The following UMPS variants were observed in gnomAD, a reference collection of about 807,000 sequenced individuals.
UMPS encodes uridine monophosphate synthetase.
UMPS carries 21 observed loss-of-function variants against 38.9 expected under a neutral mutation model. The ratio of observed to expected loss-of-function variants is 0.54; its 90% CI spans 0.38 to 0.78. The LOEUF is 0.78. Ranked by LOEUF, UMPS falls within the 30% of genes least tolerant of loss-of-function variation. UMPS has a pLI of 0.00. For synonymous variants in UMPS, 208 were observed against 219.3 expected, an observed-to-expected ratio of 0.95 and a Z score of 0.45; for missense variants, 533 against 591.6, an observed-to-expected ratio of 0.90 and a Z score of 1.03.
intron 1 of UMPS, among the ~76,000 whole-genome samples, chr3:124,734,472 C>T (rs568155638): frequency 2.6e-5 from 4 of 152,270 alleles, no homozygotes; most frequent in South Asian, 4.2e-4. Context: ...ACCAGGAAGT[C>T]GGGATCGTCC....
At chr3:124,740,897 C>T (rs2063551894) in intron 4 of UMPS, among the ~76,000 whole-genome samples, 1 of 151,996 alleles carries the variant, frequency 6.6e-6, no homozygotes, top group African/African-American at 2.4e-5. Context: ...TGCAGGGAGC[C>T]ATGATCATGC....
intron 2 of UMPS, among the ~76,000 whole-genome samples, chr3:124,736,517 G>A (rs772087282): frequency 5.9e-5 from 9 of 151,760 alleles, no homozygotes; most frequent in African/African-American, 2.2e-4. Flanking sequence ...TGCCCAGGCT[G>A]GTCTTGAACT....
At position 124,747,874 on chromosome 3, in the gene UMPS, G is replaced by A. The variant is rs1210790726; in HGVS notation, c.*3790G>A. ...TGTACTTTAACACAGTGGACCAAGTGTCAGTCATTGAAAATGACCATGAGT... is the reference window on the plus strand; with the variant it reads ...TGTACTTTAACACAGTGGACCAAGTATCAGTCATTGAAAATGACCATGAGT... On this transcript the variant is annotated 3_prime_UTR_variant, in exon 6 of 6. Transcript: ENST00000232607. 12 of 453,604 alleles carry A rather than the reference G, an allele frequency of 2.6e-5. No individual in the cohort carries two copies. Among genetic ancestry groups the A allele is most frequent in the Non-Finnish European group, 4.4e-5 (10 of 226,438 alleles). The allele number at this position is 453,604 out of a possible 1,614,324, so 28.1% of individuals were successfully genotyped here. A position where few individuals can be genotyped will look rare whatever the true frequency, so the allele number is the denominator to read the frequency against.
Position 124,735,169 on chromosome 3 carries a change from C to G in UMPS, c.233C>G (p.Ala78Gly). 1 of 1,614,126 alleles carries G rather than the reference C, an allele frequency of 6.2e-7. No individual in the cohort carries two copies. The highest frequency in any genetic ancestry group is 8.5e-7 in the Non-Finnish European group (1 of 1,179,960). Residue 78 changes from alanine to glycine, a missense_variant, in exon 2 of 6, where the codon GCT becomes GGT. By Grantham distance (60) the Ala-to-Gly change is moderately conservative. Transcript: ENST00000232607. Reference sequence around the variant, plus strand: ...ACCGTGTGTGGAGTGCCTTATACAGCTTTGCCATTGGCTACAGTTATCTGT... The same window carrying G: ...ACCGTGTGTGGAGTGCCTTATACAGGTTTGCCATTGGCTACAGTTATCTGT... ...FDTVCGVPYT[A>G]LPLATVICST... is the part of the protein sequence containing the mutation.
chr3:124,737,444 G>A (rs2063525321), intron 2 of UMPS, 124 bp from the exon 3 acceptor site: 1 of 868,886 alleles, frequency 1.2e-6, no homozygotes, highest in Admixed American at 2.2e-5. Flanking sequence ...TTGGTATACA[G>A]AATTGGTATA....
rs543066802 is a variant in UMPS at position 124,744,554 on chromosome 3, A to G, written c.*470A>G. ...TTCCAGATTAGCTGGTGCTATAGGC[A>G]TGCACCACCACGTCCATCTAAATTT... On this transcript the variant is annotated 3_prime_UTR_variant, in exon 6 of 6. Transcript: ENST00000232607. 2 of 453,970 alleles carry G rather than the reference A, an allele frequency of 4.4e-6. No homozygotes were observed. The highest frequency in any genetic ancestry group is 3.1e-5 in the South Asian group (2 of 64,462). The allele number at this position is 453,970 out of a possible 1,614,324, so 28.1% of individuals were successfully genotyped here.
chr3:124,742,046 G>A lies in UMPS; in HGVS notation c.1159-106G>A, dbSNP rs913232030. ...GCCAGGGAACATAGGGAGACCTCAT[G>A]TCTTTTTTTTTTTTTTTTAAGTTTT... is the stretch of plus-strand genomic sequence containing the variant. On this transcript the variant is annotated intron_variant, in intron 4 of 5. Transcript: ENST00000232607. The A allele has an allele frequency of 4.5e-6, 4 of 881,462 alleles. No individual in the cohort carries two copies. The Admixed American group carries it at 6.3e-5, about 14-fold the overall frequency. The allele number at this position is 881,462 out of a possible 1,614,324, so 54.6% of individuals were successfully genotyped here.
chr3:124,734,756 C>T (rs2150893972), intron 1 of UMPS, among the ~76,000 whole-genome samples: 1 of 152,314 alleles, frequency 6.6e-6, no homozygotes, highest in Middle Eastern at 3.4e-3. Flanking sequence ...CGCAGTGGCT[C>T]ACGCCTGTAA....
At chr3:124,733,314 T>C (rs1370505417) in intron 1 of UMPS, 2 of 152,268 alleles carry the variant, frequency 1.3e-5, no homozygotes, top group East Asian at 1.9e-4. Flanking sequence ...ATGCTTGTTA[T>C]AATTTAATGA....
Position 124,745,003 on chromosome 3 carries a change from AT to A in UMPS, c.*925del. ...ACAACCGGAGTTGGGGTTTGGGCTC[AT>A]TTTTTCCCCTAGCCAGCAATTATGG... On this transcript the variant is annotated 3_prime_UTR_variant, in exon 6 of 6. Transcript: ENST00000232607. 1 of 453,968 alleles carries A rather than the reference AT, an allele frequency of 2.2e-6. No homozygotes were observed. The highest frequency in any genetic ancestry group is 4.4e-6 in the Non-Finnish European group (1 of 226,758). 28.1% of individuals were successfully genotyped at this position (453,968 alleles called of 1,614,324 possible). A position where few individuals can be genotyped will look rare whatever the true frequency, so the allele number is the denominator to read the frequency against.
chr3:124,736,764 A>G (rs1484957321), intron 2 of UMPS, among the ~76,000 whole-genome samples: 1 of 152,268 alleles, frequency 6.6e-6, no homozygotes, highest in African/African-American at 2.4e-5. Context: ...TGATTCAGTT[A>G]AACTTACCAG....
chr3:124,737,430 A>C, intron 2 of UMPS, 138 bp from the exon 3 acceptor site: 1 of 767,690 alleles, frequency 1.3e-6, no homozygotes, highest in Non-Finnish European at 2.1e-6. Flanking sequence ...TGCAACTAGC[A>C]AGTTTGGTAT....
chr3:124,742,555 A>G, intron 5 of UMPS: 1 of 430,792 alleles, frequency 2.3e-6, no homozygotes. Flanking sequence ...GGCACAGAGT[A>G]AACACTCTGT....
intron 1 of UMPS, 107 bp from the exon 2 acceptor site, chr3:124,734,986 A>G: frequency 9.2e-7 from 1 of 1,084,612 alleles, no homozygotes. Flanking sequence ...GCACCACTGC[A>G]TTCCAGCCTG....
At chr3:124,735,432 T>G (rs1444373158) in intron 2 of UMPS, among the ~76,000 whole-genome samples, 186 bp downstream of exon 2, 2 of 152,152 alleles carry the variant, frequency 1.3e-5, no homozygotes, top group Non-Finnish European at 2.9e-5. Context: ...GTGAAATGCT[T>G]TGTATTGATT....
intron 2 of UMPS, among the ~76,000 whole-genome samples, chr3:124,736,858 C>A (rs976738783): frequency 6.6e-6 from 1 of 152,136 alleles, no homozygotes; most frequent in Admixed American, 6.5e-5. Flanking sequence ...TGAAAATAGT[C>A]TAGTGGGATT....
At chr3:124,739,170 A>C (rs2063538108) in intron 3 of UMPS, among the ~76,000 whole-genome samples, 1 of 152,138 alleles carries the variant, frequency 6.6e-6, no homozygotes, top group South Asian at 2.1e-4. Flanking sequence ...GTTTTTTCGA[A>C]AATCAGGCTT....
chr3:124,737,457 CAT>C (rs1194455958), intron 2 of UMPS, 109 bp from the exon 3 acceptor site: 2 of 986,566 alleles, frequency 2.0e-6, no homozygotes, highest in Admixed American at 1.9e-5. Context: ...TTGGTATACA[CAT>C]ATACTGTATG....
Position 124,746,796 on chromosome 3 carries a change from T to TGTGC in UMPS, c.*2713_*2714insTGCG, listed in dbSNP as rs776953343. ...GTGTGTGTGTGTGTGTGTGTGTGTG[T>TGTGC]GCATGCGCGCGCGTGCGCACTGGAG... On this transcript the variant is annotated 3_prime_UTR_variant, in exon 6 of 6. Coordinates refer to ENST00000232607, the MANE Select transcript of UMPS (RefSeq NM_000373.4). The TGTGC allele has an allele frequency of 1.4e-5, 6 of 439,792 alleles. No homozygotes were observed. Among genetic ancestry groups the TGTGC allele is most frequent in the African/African-American group, 8.5e-5 (4 of 47,320 alleles). 27.2% of individuals were successfully genotyped at this position (439,792 alleles called of 1,614,324 possible). A position where few individuals can be genotyped will look rare whatever the true frequency, so the allele number is the denominator to read the frequency against.
Sources: gnomAD v4.1 joint callset for allele counts (sites outside exome capture counted in the v4.1 genomes callset) on GRCh38, gnomAD v4.1.1 for gene constraint, MANE v1.5 for transcripts, NCBI Gene and HGNC (gene_info 2026-07-23, HGNC 2026-07-21) for gene names.